Variants in FIGN observed in about 807,000 individuals in gnomAD.
The protein encoded by FIGN is fidgetin.
FIGN carries 11 observed loss-of-function variants against 51.3 expected under a neutral mutation model. The ratio of observed to expected loss-of-function variants is 0.21; its 90% CI spans 0.13 to 0.35. The LOEUF is 0.35. Ranked by LOEUF, FIGN falls within the 10% of genes least tolerant of loss-of-function variation. The probability of loss-of-function intolerance (pLI) is 1.00; values close to 1 mark genes in which losing one functional copy is unlikely to be tolerated. For missense variants in FIGN, 857 were observed against 943.6 expected, an observed-to-expected ratio of 0.91 and a Z score of 1.20; for synonymous variants, 407 against 363.2, an observed-to-expected ratio of 1.12 and a Z score of -1.37.
chr2:163,685,357 A>T (rs1401991499), intron 2 of FIGN, among the ~76,000 whole-genome samples: 1 of 152,162 alleles, frequency 6.6e-6, no homozygotes, highest in Admixed American at 6.5e-5. Context: ...CTTTCTTCCT[A>T]TTTCCAAAAC....
At chr2:163,679,695 C>G (rs947744560) in intron 2 of FIGN, among the ~76,000 whole-genome samples, 13 of 152,070 alleles carry the variant, frequency 8.5e-5, no homozygotes, top group African/African-American at 2.9e-4. Context: ...TTCAATTTTC[C>G]TTGGTTCCTT....
chr2:163,628,482 G>A (rs1241315620), intron 2 of FIGN, among the ~76,000 whole-genome samples: 6 of 152,176 alleles, frequency 3.9e-5, no homozygotes, highest in African/African-American at 1.4e-4. Context: ...TACGAAGCTT[G>A]AATTCAGATT....
intron 2 of FIGN, among the ~76,000 whole-genome samples, chr2:163,618,749 A>G (rs1204751224): frequency 6.6e-6 from 1 of 152,044 alleles, no homozygotes; most frequent in Non-Finnish European, 1.5e-5. Flanking sequence ...CCACTTTGTC[A>G]TGGTGCTCCT....
At chr2:163,653,779 C>A (rs1431551599) in intron 2 of FIGN, among the ~76,000 whole-genome samples, 3 of 152,050 alleles carry the variant, frequency 2.0e-5, no homozygotes, top group East Asian at 1.9e-4. Context: ...ACAACAACAA[C>A]AAAATATTTT....
chr2:163,609,948 A>G lies in FIGN; in HGVS notation c.1884T>C (p.Cys628=), dbSNP rs1691198007. ...CTATTTCTTCTGGTTTACTGGTGGC[A>G]CAAATTACTACGATTTGGTCCTCAG... ...TSAEDQIVVI[C]ATSKPEEIDE... The change falls in exon 3 of 3, where the codon TGT becomes TGC. Residue 628 remains cysteine, a synonymous_variant. Transcript: ENST00000333129. The G allele has an allele frequency of 9.3e-6, 15 of 1,613,992 alleles. No homozygotes were observed. Among genetic ancestry groups the G allele is most frequent in the Non-Finnish European group, 1.2e-5 (14 of 1,180,018 alleles).
intron 2 of FIGN, among the ~76,000 whole-genome samples, chr2:163,652,111 C>T (rs775317719): frequency 6.6e-6 from 1 of 152,128 alleles, no homozygotes; most frequent in Non-Finnish European, 1.5e-5. Context: ...ATCCGCAGCT[C>T]ATATACAGCC....
At chr2:163,612,028 A>T (rs1168138304) in intron 2 of FIGN, among the ~76,000 whole-genome samples, 1 of 152,258 alleles carries the variant, frequency 6.6e-6, no homozygotes, top group Non-Finnish European at 1.5e-5. Context: ...AGTTTAAAAT[A>T]TAACTCTGTA....
chr2:163,735,719 T>C (rs1178336635), intron 1 of FIGN, 119 bp downstream of exon 1: 1 of 152,372 alleles, frequency 6.6e-6, no homozygotes, highest in African/African-American at 2.4e-5. Context: ...TTGAATTTAA[T>C]GTTTACGGCA....
At chr2:163,681,502 G>C (rs1202425173) in intron 2 of FIGN, among the ~76,000 whole-genome samples, 1 of 152,132 alleles carries the variant, frequency 6.6e-6, no homozygotes, top group African/African-American at 2.4e-5. Context: ...CTTGAGTCCA[G>C]ATGTTCAAGA....
At chr2:163,710,154 T>C (rs1684565236) in intron 2 of FIGN, among the ~76,000 whole-genome samples, 1 of 152,146 alleles carries the variant, frequency 6.6e-6, no homozygotes, top group South Asian at 2.1e-4. Context: ...TGGTCATTAG[T>C]GTTCCAGCAA....
intron 2 of FIGN, among the ~76,000 whole-genome samples, chr2:163,672,398 C>G (rs962687826): frequency 6.6e-6 from 1 of 152,058 alleles, no homozygotes; most frequent in African/African-American, 2.4e-5. Context: ...GAGGTTGGGG[C>G]ACATGTTTAT....
At position 163,713,122 on chromosome 2, in the gene FIGN, A is replaced by G. The variant is rs1684613694; in HGVS notation, c.25+21781T>C. ...AGGCATCTTATTTAAGTGATATTACAGAAGTCATTGTCCTTAAATTCAGTA... is the reference window on the plus strand; with the variant it reads ...AGGCATCTTATTTAAGTGATATTACGGAAGTCATTGTCCTTAAATTCAGTA... On this transcript the variant is annotated intron_variant, in intron 2 of 2. Transcript: ENST00000333129. 2.0e-5 allele frequency among the ~76,000 whole-genome samples: 3 copies of G among 152,232 alleles called. No homozygotes were observed. The South Asian group carries it at 6.2e-4, about 31-fold the overall frequency.
At chr2:163,696,484 A>G (rs1437179402) in intron 2 of FIGN, among the ~76,000 whole-genome samples, 2 of 152,146 alleles carry the variant, frequency 1.3e-5, no homozygotes, top group African/African-American at 4.8e-5. Context: ...ATATCGCTGC[A>G]AGTATCCAGG....
intron 2 of FIGN, among the ~76,000 whole-genome samples, chr2:163,670,354 C>G (rs983548137): frequency 6.6e-6 from 1 of 152,128 alleles, no homozygotes. Context: ...AACAAAGAAA[C>G]AAGTACCTTA....
intron 2 of FIGN, among the ~76,000 whole-genome samples, chr2:163,649,649 T>A (rs10177481): frequency 6.6e-6 from 1 of 151,998 alleles, no homozygotes; most frequent in Admixed American, 6.6e-5. Context: ...GAATTGCTCA[T>A]GTGCACCTAG....
chr2:163,618,998 T>C (rs1682925852), intron 2 of FIGN, among the ~76,000 whole-genome samples: 1 of 152,178 alleles, frequency 6.6e-6, no homozygotes, highest in Non-Finnish European at 1.5e-5. Context: ...AACTTTCTTA[T>C]TGATACAGTG....
intron 2 of FIGN, among the ~76,000 whole-genome samples, chr2:163,733,771 T>C (rs1478629760): frequency 4.6e-5 from 7 of 152,198 alleles, no homozygotes; most frequent in Non-Finnish European, 2.9e-5. Context: ...ACGGGTCTTG[T>C]AGTTCCTCTC....
intron 2 of FIGN, among the ~76,000 whole-genome samples, chr2:163,718,451 A>C (rs995986824): frequency 2.6e-5 from 4 of 152,204 alleles, no homozygotes; most frequent in Non-Finnish European, 5.9e-5. Context: ...GAGACTGACA[A>C]ATGTACCCAT....
At chr2:163,726,582 C>T (rs1684840894) in intron 2 of FIGN, among the ~76,000 whole-genome samples, 1 of 151,836 alleles carries the variant, frequency 6.6e-6, no homozygotes, top group Non-Finnish European at 1.5e-5. Flanking sequence ...TTTTCATTTT[C>T]CAGGAAAGGA....
Sources: gnomAD v4.1 joint callset for allele counts (sites outside exome capture counted in the v4.1 genomes callset) on GRCh38, gnomAD v4.1.1 for gene constraint, MANE v1.5 for transcripts, NCBI Gene and HGNC (gene_info 2026-07-23, HGNC 2026-07-21) for gene names.